Variants in CDKAL1 observed in about 807,000 individuals in gnomAD.
The protein encoded by CDKAL1 is CDKAL1 threonylcarbamoyladenosine tRNA methylthiotransferase, also known as threonylcarbamoyladenosine tRNA methylthiotransferase.
A neutral mutation model predicts 68.2 loss-of-function variants in CDKAL1; 32 were observed. The observed-to-expected ratio is 0.47, with a 90% CI of 0.35 to 0.63. The LOEUF (loss-of-function observed/expected upper bound fraction) is 0.63, where lower values mean the gene tolerates loss of function less well. CDKAL1 is among the 30% of genes least tolerant of loss of function. The pLI, the probability that CDKAL1 is intolerant of heterozygous loss-of-function variation, is 0.00. For synonymous variants in CDKAL1, 234 were observed against 244.3 expected (o/e 0.96, Z 0.39); for missense variants, 606 against 696.7 (o/e 0.87, Z 1.47).
At chr6:20,930,881 A>G (rs1396438846) in intron 9 of CDKAL1, among the ~76,000 whole-genome samples, 1 of 152,040 alleles carries the variant, frequency 6.6e-6, no homozygotes, top group Non-Finnish European at 1.5e-5. Flanking sequence ...AGTAGCTGGA[A>G]CTACAGGCAC....
At position 20,888,103 on chromosome 6, in the gene CDKAL1, C is replaced by T. The variant is rs144863261; in HGVS notation, c.742+41925C>T. ...AACTTGTCATTTACGTTAGGTATTT[C>T]TCCTAATGCTGTCCCTCCCGCATTC... On this transcript the variant is annotated intron_variant, in intron 9 of 15. Coordinates refer to ENST00000274695, the MANE Select transcript of CDKAL1 (RefSeq NM_017774.3). Among the ~76,000 whole-genome samples, 381 of 151,114 alleles carry T rather than the reference C, an allele frequency of 2.5e-3. 3 individuals are homozygous for T. Among genetic ancestry groups the T allele is most frequent in the African/African-American group, 8.6e-3 (352 of 41,158 alleles).
intron 11 of CDKAL1, among the ~76,000 whole-genome samples, chr6:21,011,300 T>C (rs1300623211): frequency 4.0e-5 from 6 of 151,170 alleles, no homozygotes; most frequent in African/African-American, 4.9e-5. Context: ...AGGAGAATGG[T>C]GTGAACCCGG....
intron 8 of CDKAL1, among the ~76,000 whole-genome samples, chr6:20,831,203 T>G (rs1170414139): frequency 6.6e-6 from 1 of 152,178 alleles, no homozygotes; most frequent in Non-Finnish European, 1.5e-5. Flanking sequence ...TCCAGTAGCA[T>G]AAAAATCTGT....
intron 13 of CDKAL1, among the ~76,000 whole-genome samples, chr6:21,129,072 G>A (rs1274698948): frequency 6.6e-6 from 1 of 152,054 alleles, no homozygotes; most frequent in African/African-American, 2.4e-5. Context: ...TCCCCAATGG[G>A]GTTATTATAA....
At chr6:20,915,569 C>CA (rs1762686841) in intron 9 of CDKAL1, among the ~76,000 whole-genome samples, 1 of 152,118 alleles carries the variant, frequency 6.6e-6, no homozygotes, top group African/African-American at 2.4e-5. Flanking sequence ...TAATAACATA[C>CA]AAAAAATTTT....
rs1354436284 is a variant in CDKAL1 at position 20,906,065 on chromosome 6, C to T, written c.743-49354C>T. 4.6e-5 allele frequency among the ~76,000 whole-genome samples: 7 copies of T among 152,108 alleles called. No homozygotes were observed. The East Asian group carries it at 9.6e-4, about 21-fold the overall frequency. ...GGGAAATTATTAAAGCTAGTAGTAT[C>T]GTAACAACAGATTGTAACTCCACTT... is the stretch of plus-strand genomic sequence containing the variant. On this transcript the variant is annotated intron_variant, in intron 9 of 15. Transcript: ENST00000274695.
intron 12 of CDKAL1, among the ~76,000 whole-genome samples, chr6:21,075,317 T>C (rs907120255): frequency 1.3e-5 from 2 of 152,182 alleles, no homozygotes; most frequent in African/African-American, 4.8e-5. Context: ...TTAGCATTAA[T>C]ATAAATAAAT....
chr6:20,846,066 T>C lies in CDKAL1; in HGVS notation c.639-9T>C, dbSNP rs1419454951. ...ATTTGAGTCTTATTTATTGTTATCA[T>C]TTGAACAGGTGTCTCAATGCTTGTA... is the stretch of plus-strand genomic sequence containing the variant. On this transcript the variant is annotated splice_polypyrimidine_tract_variant and intron_variant, in intron 8 of 15. Coordinates refer to ENST00000274695, the MANE Select transcript of CDKAL1 (RefSeq NM_017774.3). 2 of 1,582,718 alleles carry C rather than the reference T, an allele frequency of 1.3e-6. No individual in the cohort carries two copies. The highest frequency in any genetic ancestry group is 4.5e-5 in the East Asian group (2 of 44,550).
chr6:20,600,771 C>CATATATATATATATATGTAT, intron 4 of CDKAL1, among the ~76,000 whole-genome samples: 1 of 124,182 alleles, frequency 8.1e-6, no homozygotes, highest in African/African-American at 2.9e-5. Flanking sequence ...TATATGTATA[C>CATATATATATATATATGTAT]ATATATATAT....
At chr6:21,114,111 G>A (rs558302715) in intron 13 of CDKAL1, among the ~76,000 whole-genome samples, 78 of 152,028 alleles carry the variant, frequency 5.1e-4, no homozygotes, top group African/African-American at 1.8e-3. Flanking sequence ...AGCCGGGCGT[G>A]GTGGCCGGCG....
chr6:21,165,701 G>A (rs1019228494), intron 13 of CDKAL1, among the ~76,000 whole-genome samples: 1 of 152,214 alleles, frequency 6.6e-6, no homozygotes, highest in African/African-American at 2.4e-5. Context: ...GGTAGCTGCT[G>A]AGGACAGAGG....
At chr6:20,783,203 T>TAC (rs1259553701) in intron 8 of CDKAL1, among the ~76,000 whole-genome samples, 1 of 12,008 alleles carries the variant, frequency 8.3e-5, no homozygotes, top group South Asian at 3.7e-3. Flanking sequence ...ATGTTGGGAT[T>TAC]ACAGGCATGA....
intron 10 of CDKAL1, among the ~76,000 whole-genome samples, chr6:20,968,544 C>T (rs879465768): frequency 2.6e-5 from 4 of 152,046 alleles, no homozygotes; most frequent in Admixed American, 2.6e-4. Flanking sequence ...TTTCCTAGAA[C>T]TCCCATTATG....
chr6:20,568,751 C>CAAA (rs576218984), intron 4 of CDKAL1, among the ~76,000 whole-genome samples: 1 of 133,834 alleles, frequency 7.5e-6, no homozygotes, highest in Non-Finnish European at 1.6e-5. Flanking sequence ...AAAAAAAAAA[C>CAAA]AAAAAAACAA....
At chr6:21,167,645 C>T (rs1411923375) in intron 13 of CDKAL1, among the ~76,000 whole-genome samples, 1 of 152,216 alleles carries the variant, frequency 6.6e-6, no homozygotes, top group Admixed American at 6.5e-5. Flanking sequence ...TGCCCACTCT[C>T]AGATGGCTAC....
At chr6:20,694,314 A>G (rs1252052705) in intron 5 of CDKAL1, among the ~76,000 whole-genome samples, 3 of 152,120 alleles carry the variant, frequency 2.0e-5, no homozygotes. Flanking sequence ...AAGTGCTGAG[A>G]TTACAGGCAT....
chr6:21,204,522 C>A (rs1387225057), intron 15 of CDKAL1, among the ~76,000 whole-genome samples: 1 of 152,148 alleles, frequency 6.6e-6, no homozygotes, highest in Non-Finnish European at 1.5e-5. Context: ...ATACTCCATA[C>A]CTACTGCTAG....
chr6:21,160,958 G>T (rs1776900045), intron 13 of CDKAL1, among the ~76,000 whole-genome samples: 1 of 151,508 alleles, frequency 6.6e-6, no homozygotes, highest in South Asian at 2.1e-4. Context: ...ATCCAGTCAA[G>T]AGAATAGATC....
intron 5 of CDKAL1, among the ~76,000 whole-genome samples, chr6:20,736,370 A>G (rs1220293494): frequency 3.9e-5 from 6 of 152,186 alleles, no homozygotes; most frequent in Non-Finnish European, 8.8e-5. Context: ...GCTGACCCCT[A>G]CTTTAGACTA....
Sources: allele counts gnomAD v4.1 joint callset (sites outside exome capture counted in the v4.1 genomes callset), GRCh38; gene constraint gnomAD v4.1.1; transcripts MANE v1.5; gene names NCBI Gene and HGNC (gene_info 2026-07-23, HGNC 2026-07-21).